The following PDGFA variants were observed in gnomAD, a reference collection of about 807,000 sequenced individuals.
The protein encoded by PDGFA is platelet derived growth factor subunit A.
Under a neutral mutation model 25.6 loss-of-function variants are expected in PDGFA, and 9 were observed. The observed-to-expected ratio is 0.35, with a 90% CI of 0.21 to 0.61. The LOEUF (loss-of-function observed/expected upper bound fraction) is 0.61, where lower values mean the gene tolerates loss of function less well. Ranked by LOEUF, PDGFA falls within the 20% of genes least tolerant of loss-of-function variation. The pLI, the probability that PDGFA is intolerant of heterozygous loss-of-function variation, is 0.75. For synonymous variants in PDGFA, 133 were observed against 111.8 expected, an observed-to-expected ratio of 1.19 and a Z score of -1.20; for missense variants, 242 against 272.8, an observed-to-expected ratio of 0.89 and a Z score of 0.79.
At chr7:508,559 C>CAAAAAAAAAAAAAAAAAAAAAAAAA (rs766165770) in intron 4 of PDGFA, among the ~76,000 whole-genome samples, 1 of 35,664 alleles carries the variant, frequency 2.8e-5, no homozygotes, top group African/African-American at 1.1e-4. Flanking sequence ...GAAGCTGTCC[C>CAAAAAAAAAAAAAAAAAAAAAAAAA]AAAAAAAAAA....
At position 517,574 on chromosome 7, in the gene PDGFA, C is replaced by T. The variant is rs1423757658; in HGVS notation, c.64-84G>A. ...CCGGCCGCCAGGAGCGCCGCCGCCC[C>T]GGGCCCGAGGAGACCCCGCGAGCGC... is the stretch of plus-strand genomic sequence containing the variant. On this transcript the variant is annotated intron_variant, in intron 1 of 5. Coordinates refer to ENST00000402802, the Ensembl canonical transcript of PDGFA. This position sits in a 1 kb window ranked among gnomAD's most constrained non-coding sequence, Gnocchi z 7.4. 2.6e-5 allele frequency: 11 copies of T among 420,644 alleles called. No individual in the cohort carries two copies. The highest frequency in any genetic ancestry group is 3.6e-5 in the Non-Finnish European group (11 of 308,734). 26.1% of individuals were successfully genotyped at this position (420,644 alleles called of 1,614,324 possible). A position where few individuals can be genotyped will look rare whatever the true frequency, so the allele number is the denominator to read the frequency against.
intron 1 of PDGFA, 131 bp downstream of exon 1, chr7:518,808 T>A (rs946009480): frequency 1.2e-4 from 65 of 545,918 alleles, no homozygotes; most frequent in Admixed American, 2.9e-4. Flanking sequence ...AGAACCCAGT[T>A]GGGAAAATCT....
At chr7:516,844 T>C (rs1184369835) in intron 2 of PDGFA, among the ~76,000 whole-genome samples, 1 of 152,142 alleles carries the variant, frequency 6.6e-6, no homozygotes, top group Admixed American at 6.5e-5. Flanking sequence ...CATTGGGTCG[T>C]GAAAACAGAA....
chr7:505,611 C>A (rs150627024), intron 4 of PDGFA, among the ~76,000 whole-genome samples: 1 of 152,200 alleles, frequency 6.6e-6, no homozygotes, highest in African/African-American at 2.4e-5. Context: ...CTGGACCGCA[C>A]GTGCCCGTCA....
At chr7:498,568 C>G in exon 6 of PDGFA, 1 of 1,609,828 alleles carries the variant, frequency 6.2e-7, no homozygotes, top group Non-Finnish European at 8.5e-7. Context: ...TCATCCTCAC[C>G]TCACATCTGC....
chr7:519,724 G>T (rs1783284954), upstream of PDGFA, among the ~76,000 whole-genome samples: 1 of 146,110 alleles, frequency 6.8e-6, no homozygotes, highest in Non-Finnish European at 1.5e-5. Context: ...GCCCGCGCGG[G>T]CCTGAGGGCG....
intron 2 of PDGFA, among the ~76,000 whole-genome samples, chr7:515,949 C>T (rs1016163609): frequency 6.6e-6 from 1 of 151,550 alleles, no homozygotes; most frequent in Non-Finnish European, 1.5e-5. Flanking sequence ...CTTCCAAAGC[C>T]AGTCCCACGA....
At chr7:518,844 CA>C in intron 1 of PDGFA, 94 bp downstream of exon 1, 2 of 762,340 alleles carry the variant, frequency 2.6e-6, no homozygotes, top group Non-Finnish European at 4.0e-6. Flanking sequence ...TGGCAGGAAC[CA>C]AAACGCTCTC....
intron 4 of PDGFA, among the ~76,000 whole-genome samples, chr7:508,590 T>TAAAAAAAAA (rs1275774675): frequency 7.6e-6 from 1 of 130,898 alleles, no homozygotes; most frequent in Non-Finnish European, 1.6e-5. Flanking sequence ...AAAAAAAAAT[T>TAAAAAAAAA]CTCAGCTGAG....
intron 2 of PDGFA, 45 bp from the exon 3 acceptor site, chr7:512,500 C>T: frequency 6.2e-7 from 1 of 1,612,352 alleles, no homozygotes; most frequent in Non-Finnish European, 8.5e-7. Context: ...GGCCCGTGCG[C>T]TGTGCCCTGG....
At chr7:502,416 C>T (rs764245072) in intron 4 of PDGFA, among the ~76,000 whole-genome samples, 6 of 152,138 alleles carry the variant, frequency 3.9e-5, no homozygotes, top group Non-Finnish European at 5.9e-5. Context: ...TCATGGCTCC[C>T]CCAGGTCCGA....
chr7:511,878 G>A (rs1278442268), intron 3 of PDGFA, among the ~76,000 whole-genome samples: 1 of 152,164 alleles, frequency 6.6e-6, no homozygotes. Flanking sequence ...GTGGGGCGGG[G>A]CACACGGGTG....
At chr7:503,170 C>G (rs746875597) in intron 4 of PDGFA, among the ~76,000 whole-genome samples, 13 of 152,146 alleles carry the variant, frequency 8.5e-5, no homozygotes, top group Non-Finnish European at 1.8e-4. Flanking sequence ...TAAGCCTGTC[C>G]CTAATTGCTA....
rs1000933215 is a variant in PDGFA, at chr7:501,301, C to T, written c.454-59G>A. ...CTGCATGGAGCTTCGGACATCACGA[C>T]GTGCTGGGAGCCGGGGACAGGCTGA... On this transcript the variant is annotated intron_variant, in intron 4 of 5. Coordinates refer to ENST00000402802, the Ensembl canonical transcript of PDGFA. The T allele has an allele frequency of 2.8e-4, 445 of 1,605,724 alleles. 1 individual carries two copies. The highest frequency in any genetic ancestry group is 4.8e-4 in the South Asian group (44 of 90,912).
chr7:512,625 T>C, intron 2 of PDGFA, 170 bp from the exon 3 acceptor site: 1 of 1,532,652 alleles, frequency 6.5e-7, no homozygotes, highest in African/African-American at 1.4e-5. Flanking sequence ...AGAACCTCGA[T>C]TCCCACCAGG....
intron 5 of PDGFA, among the ~76,000 whole-genome samples, chr7:498,891 C>T (rs1782206470): frequency 6.6e-6 from 1 of 152,234 alleles, no homozygotes; most frequent in Non-Finnish European, 1.5e-5. Flanking sequence ...GCCTTCCTTT[C>T]TTCCAGCCTA....
At chr7:499,564 C>T (rs142223237) in intron 5 of PDGFA, among the ~76,000 whole-genome samples, 22 of 152,312 alleles carry the variant, frequency 1.4e-4, no homozygotes, top group African/African-American at 4.6e-4. Context: ...GTGATGATGG[C>T]GGCTGCCCAG....
At chr7:504,568 C>G (rs1049503996) in intron 4 of PDGFA, among the ~76,000 whole-genome samples, 3 of 152,180 alleles carry the variant, frequency 2.0e-5, no homozygotes, top group Non-Finnish European at 4.4e-5. Flanking sequence ...ACCCTGCCAT[C>G]TCCCAGGCTC....
intron 1 of PDGFA, chr7:518,618 C>A: frequency 3.1e-6 from 1 of 325,560 alleles, no homozygotes; most frequent in East Asian, 4.7e-5. Context: ...CTTCCCCGCT[C>A]CCCGCACCCC....
Sources: gnomAD v4.1 joint callset for allele counts (sites outside exome capture counted in the v4.1 genomes callset) on GRCh38, gnomAD v4.1.1 for gene constraint, Gnocchi (gnomAD v3.1) non-coding constraint, MANE v1.5 for transcripts, NCBI Gene and HGNC (gene_info 2026-07-23, HGNC 2026-07-21) for gene names.